The following ISY1 variants were observed in gnomAD, a reference collection of about 807,000 sequenced individuals.
ISY1 encodes ISY1 spliceosome associated protein.
ISY1 carries 12 observed loss-of-function variants against 54.4 expected under a neutral mutation model. The ratio of observed to expected loss-of-function variants is 0.22; its 90% CI spans 0.14 to 0.36. The LOEUF (loss-of-function observed/expected upper bound fraction) is 0.36. Ranked by LOEUF, ISY1 falls within the 10% of genes least tolerant of loss-of-function variation. The pLI is 1.00. For synonymous variants in ISY1, 96 were observed against 117.9 expected (o/e 0.81, Z 1.20); for missense variants, 282 against 342.2 (o/e 0.82, Z 1.39).
At chr3:129,133,321 C>A (rs1419660587) in intron 9 of ISY1, among the ~76,000 whole-genome samples, 1 of 152,118 alleles carries the variant, frequency 6.6e-6, no homozygotes, top group Non-Finnish European at 1.5e-5. Context: ...TGCAAAAGGT[C>A]TGAAAATATG....
chr3:129,160,580 G>A (rs938924096), intron 1 of ISY1, among the ~76,000 whole-genome samples: 1 of 152,012 alleles, frequency 6.6e-6, no homozygotes, highest in Admixed American at 6.6e-5. Flanking sequence ...GACTGAGAAC[G>A]GACATAAATG....
chr3:129,130,712 A>G, intron 9 of ISY1, 76 bp from the exon 10 acceptor site: 1 of 1,461,322 alleles, frequency 6.8e-7, no homozygotes, highest in Non-Finnish European at 9.3e-7. Flanking sequence ...AAAACACACT[A>G]CTCTGCAACT....
intron 5 of ISY1, among the ~76,000 whole-genome samples, chr3:129,151,656 CTA>C (rs1325421992): frequency 6.6e-6 from 1 of 152,158 alleles, no homozygotes; most frequent in South Asian, 2.1e-4. Flanking sequence ...ATAGGATTTT[CTA>C]TGTTACAATA....
intron 8 of ISY1, 98 bp downstream of exon 8, chr3:129,134,732 ACT>A: frequency 7.0e-7 from 1 of 1,429,348 alleles, no homozygotes; most frequent in East Asian, 2.8e-5. Context: ...AACAAAGAAA[ACT>A]CCCTTCTGGC....
Position 129,134,971 on chromosome 3 carries a change from T to C in ISY1, c.419-17A>G, listed in dbSNP as rs373467263. The C allele has an allele frequency of 2.5e-6, 4 of 1,594,822 alleles. No homozygotes were observed. The highest frequency in any genetic ancestry group is 2.7e-5 in the African/African-American group (2 of 74,284). The stretch of plus-strand genomic sequence containing the variant: ...GAGGAAGAGCTATAAGAAACAGAAA[T>C]GGAGCTGAGTTTCCAAGTCATAATC... On this transcript the variant is annotated splice_polypyrimidine_tract_variant and intron_variant, in intron 7 of 10. Transcript: ENST00000393295.
chr3:129,130,654 G>GA lies in ISY1; in HGVS notation c.664-19dup. 1 of 1,613,492 alleles carries GA rather than the reference G, an allele frequency of 6.2e-7. No homozygotes were observed. Among genetic ancestry groups the GA allele is most frequent in the East Asian group, 2.2e-5 (1 of 44,854 alleles). On this transcript the variant is annotated intron_variant, in intron 9 of 10. Transcript: ENST00000393295. ...TCGTCCGACTACAAACAGAACAAAC[G>GA]AAAGTCCATCAGTAGGCGCCCAGCT...
chr3:129,133,531 T>C (rs931250720), intron 9 of ISY1, among the ~76,000 whole-genome samples: 7 of 152,138 alleles, frequency 4.6e-5, no homozygotes, highest in African/African-American at 1.7e-4. Flanking sequence ...CCGTCTCTAC[T>C]AAAAATACAA....
In ISY1 at chr3:129,156,561, A is replaced by G. The variant is rs557299399; in HGVS notation, c.187+72T>C. On this transcript the variant is annotated intron_variant, in intron 5 of 10. Coordinates refer to ENST00000393295, the MANE Select transcript of ISY1 (RefSeq NM_020701.4). Reference sequence around the variant, plus strand: ...TACTTGCTCTATTGATTATTTTGAAAGGAGTATTGAAGTCCTCAAGTCTAA... The same window carrying G: ...TACTTGCTCTATTGATTATTTTGAAGGGAGTATTGAAGTCCTCAAGTCTAA... The G allele has an allele frequency of 4.0e-4, 588 of 1,460,360 alleles. 1 individual carries two copies. The highest frequency in any genetic ancestry group is 4.3e-4 in the Non-Finnish European group (458 of 1,057,950). The allele number at this position is 1,460,360 out of a possible 1,614,324, so 90.5% of individuals were successfully genotyped here.
chr3:129,145,339 C>CAGCCTCCCA (rs1461281047), intron 6 of ISY1, among the ~76,000 whole-genome samples: 4 of 152,042 alleles, frequency 2.6e-5, no homozygotes, highest in Non-Finnish European at 5.9e-5. Context: ...TCTCCTGCCT[C>CAGCCTCCCA]AGCCTCCCAA....
intron 7 of ISY1, among the ~76,000 whole-genome samples, chr3:129,139,747 A>G (rs569017558): frequency 6.6e-6 from 1 of 152,138 alleles, no homozygotes; most frequent in African/African-American, 2.4e-5. Flanking sequence ...GATTCAAGCA[A>G]TTCTCCTGTC....
At chr3:129,153,584 C>A (rs1270233570) in intron 5 of ISY1, among the ~76,000 whole-genome samples, 1 of 151,680 alleles carries the variant, frequency 6.6e-6, no homozygotes, top group Non-Finnish European at 1.5e-5. Flanking sequence ...GAGATCGAGA[C>A]CATCCTGGCT....
chr3:129,135,077 A>T, intron 7 of ISY1, 123 bp from the exon 8 acceptor site: 1 of 1,316,186 alleles, frequency 7.6e-7, no homozygotes, highest in South Asian at 1.5e-5. Context: ...AGGTGGGCGC[A>T]GTGGCTCATG....
chr3:129,139,057 C>T (rs1936524710), intron 7 of ISY1, among the ~76,000 whole-genome samples: 1 of 151,802 alleles, frequency 6.6e-6, no homozygotes, highest in Non-Finnish European at 1.5e-5. Context: ...GCCTCAGCCT[C>T]CTGAGTAGCT....
chr3:129,134,301 T>G (rs917871264), intron 8 of ISY1, 106 bp from the exon 9 acceptor site: 14 of 1,557,900 alleles, frequency 9.0e-6, no homozygotes, highest in African/African-American at 1.4e-5. Context: ...ACATCCCCTC[T>G]AGAAAGGGAC....
intron 5 of ISY1, among the ~76,000 whole-genome samples, chr3:129,146,730 A>G (rs1165372714): frequency 6.6e-6 from 1 of 152,192 alleles, no homozygotes; most frequent in East Asian, 1.9e-4. Flanking sequence ...ATTTTATTAC[A>G]TGTAATTCTT....
intron 8 of ISY1, 73 bp downstream of exon 8, chr3:129,134,759 A>G: frequency 1.3e-6 from 2 of 1,511,584 alleles, no homozygotes; most frequent in African/African-American, 2.8e-5. Flanking sequence ...AGCACTATTG[A>G]AAATCCTGTT....
chr3:129,160,884 C>G (rs969400929), intron 1 of ISY1, 89 bp downstream of exon 1: 2 of 1,487,120 alleles, frequency 1.3e-6, no homozygotes, highest in Non-Finnish European at 1.8e-6. Flanking sequence ...CACGTCTGAG[C>G]CTCTACCGAA....
chr3:129,136,650 C>CCT (rs1936410517), intron 7 of ISY1, among the ~76,000 whole-genome samples: 1 of 150,986 alleles, frequency 6.6e-6, no homozygotes. Flanking sequence ...ATTACAGGCA[C>CCT]GCACCACCAC....
At chr3:129,157,517 G>A (rs968403549) in intron 3 of ISY1, among the ~76,000 whole-genome samples, 4 of 152,020 alleles carry the variant, frequency 2.6e-5, no homozygotes, top group Non-Finnish European at 4.4e-5. Flanking sequence ...CCTGGAGTTT[G>A]AGACCAGTCT....
Sources: allele counts gnomAD v4.1 joint callset (sites outside exome capture counted in the v4.1 genomes callset), GRCh38; gene constraint gnomAD v4.1.1; transcripts MANE v1.5; gene names NCBI Gene and HGNC (gene_info 2026-07-23, HGNC 2026-07-21).